The following PTPRG variants were observed in gnomAD, a reference collection of about 807,000 sequenced individuals.
PTPRG encodes receptor-type tyrosine-protein phosphatase gamma.
A neutral mutation model predicts 165.3 loss-of-function variants in PTPRG; 102 were observed. The ratio of observed to expected loss-of-function variants is 0.62; its 90% confidence interval spans 0.53 to 0.73. PTPRG has a LOEUF of 0.73. PTPRG is among the 30% of genes least tolerant of loss of function. The pLI is 0.00. For synonymous variants in PTPRG, 675 were observed against 669.5 expected, an observed-to-expected ratio of 1.01 and a Z score of -0.13; for missense variants, 1,866 against 1,861.4, an observed-to-expected ratio of 1.00 and a Z score of -0.05.
chr3:62,201,665 G>C (rs1439470064), intron 11 of PTPRG, 111 bp downstream of exon 11: 1 of 969,548 alleles, frequency 1.0e-6, no homozygotes, highest in Non-Finnish European at 1.5e-6. Context: ...TCAGTGTAAA[G>C]CGGTTATAGT....
intron 2 of PTPRG, among the ~76,000 whole-genome samples, chr3:61,837,951 G>C (rs2036519675): frequency 6.6e-6 from 1 of 152,124 alleles, no homozygotes; most frequent in African/African-American, 2.4e-5. Flanking sequence ...CTCTTACAGG[G>C]ACATCAGCCT....
intron 7 of PTPRG, among the ~76,000 whole-genome samples, chr3:62,160,253 T>A (rs1576078003): frequency 6.6e-6 from 1 of 152,322 alleles, no homozygotes; most frequent in South Asian, 2.1e-4. Context: ...CCTTTCAGAG[T>A]ACATACAGGC....
chr3:62,018,678 G>A (rs765424021), intron 4 of PTPRG, among the ~76,000 whole-genome samples: 6 of 152,208 alleles, frequency 3.9e-5, no homozygotes, highest in Non-Finnish European at 8.8e-5. Context: ...TAATGCCCCA[G>A]CAGTAGCATT....
intron 1 of PTPRG, among the ~76,000 whole-genome samples, chr3:61,722,148 C>T (rs753445245): frequency 2.2e-4 from 34 of 151,926 alleles, no homozygotes; most frequent in Non-Finnish European, 3.4e-4. Context: ...GAGGGGCTGG[C>T]GTCTGGTGAG....
chr3:62,255,547 C>T lies in PTPRG; in HGVS notation c.2559+332C>T, dbSNP rs1023534696. Among the ~76,000 whole-genome samples, 1 of 152,076 alleles carries T rather than the reference C, an allele frequency of 6.6e-6. No homozygotes were observed. The highest frequency in any genetic ancestry group is 1.5e-5 in the Non-Finnish European group (1 of 68,008). On this transcript the variant is annotated intron_variant, in intron 16 of 29. Coordinates refer to ENST00000474889, the MANE Select transcript of PTPRG (RefSeq NM_002841.4). The surrounding 1 kb of genome is among the most constrained non-coding windows in gnomAD (Gnocchi z 4.0). ...AGTCATAACACAAGGCTCCCTAATT[C>T]CATGTCTTTTCTGCAATGCACATGG...
chr3:62,078,509 T>C (rs1236454445), intron 5 of PTPRG, among the ~76,000 whole-genome samples: 2 of 152,206 alleles, frequency 1.3e-5, no homozygotes, highest in East Asian at 3.8e-4. Context: ...AACACATTTA[T>C]CATCTAAGTT....
At chr3:62,175,875 A>G (rs933203826) in intron 8 of PTPRG, among the ~76,000 whole-genome samples, 3 of 152,162 alleles carry the variant, frequency 2.0e-5, no homozygotes, top group Non-Finnish European at 2.9e-5. Context: ...GCCCTGAGGC[A>G]TGGGATCCAA....
At chr3:62,243,702 G>A (rs1473209880) in intron 14 of PTPRG, 105 bp from the exon 15 acceptor site, 3 of 711,328 alleles carry the variant, frequency 4.2e-6, no homozygotes, top group African/African-American at 1.8e-5. Context: ...CCTCAGTGCT[G>A]TGTGATGTTT....
At chr3:62,242,260 C>T (rs1019060853) in intron 14 of PTPRG, among the ~76,000 whole-genome samples, 19 of 152,128 alleles carry the variant, frequency 1.2e-4, no homozygotes, top group Admixed American at 5.2e-4. Flanking sequence ...AAGGCAGCTA[C>T]GCAAAGAGTG....
intron 1 of PTPRG, among the ~76,000 whole-genome samples, chr3:61,660,950 C>T (rs1361661737): frequency 6.6e-6 from 1 of 152,126 alleles, no homozygotes; most frequent in African/African-American, 2.4e-5. Context: ...TGCAGTGAGC[C>T]CGGATTGTGC....
intron 5 of PTPRG, among the ~76,000 whole-genome samples, chr3:62,126,133 G>A (rs575185491): frequency 4.6e-5 from 7 of 152,242 alleles, no homozygotes; most frequent in Admixed American, 2.0e-4. Flanking sequence ...CATTTTGTAC[G>A]GATTTGCTAC....
chr3:61,686,920 G>T (rs1703651094), intron 1 of PTPRG, among the ~76,000 whole-genome samples: 1 of 152,116 alleles, frequency 6.6e-6, no homozygotes, highest in African/African-American at 2.4e-5. Context: ...GAGAGGTATG[G>T]GGAAGAGGTG....
At chr3:62,145,867 G>A (rs1230488034) in intron 6 of PTPRG, among the ~76,000 whole-genome samples, 4 of 152,324 alleles carry the variant, frequency 2.6e-5, no homozygotes, top group African/African-American at 9.6e-5. Flanking sequence ...CAGTTGTATT[G>A]GACTCTGAAT....
chr3:61,739,208 T>A (rs1406010311), intron 1 of PTPRG: 1 of 152,116 alleles, frequency 6.6e-6, no homozygotes, highest in Non-Finnish European at 1.5e-5. Flanking sequence ...TGATACATAT[T>A]TCTGCTTGGC....
intron 2 of PTPRG, among the ~76,000 whole-genome samples, chr3:61,814,132 C>T (rs975785613): frequency 6.6e-6 from 1 of 152,158 alleles, no homozygotes; most frequent in African/African-American, 2.4e-5. Context: ...AACTCCTGAC[C>T]TCAGGCAATC....
chr3:61,717,975 A>G (rs1468052443), intron 1 of PTPRG, among the ~76,000 whole-genome samples: 2 of 151,732 alleles, frequency 1.3e-5, no homozygotes, highest in East Asian at 1.9e-4. Context: ...AGGTCAGGAG[A>G]TTGAGACCAG....
intron 1 of PTPRG, among the ~76,000 whole-genome samples, chr3:61,637,065 G>A (rs925440479): frequency 6.6e-6 from 1 of 152,154 alleles, no homozygotes; most frequent in African/African-American, 2.4e-5. Flanking sequence ...ATAGCTTATT[G>A]CTGTGGAGGA....
intron 1 of PTPRG, among the ~76,000 whole-genome samples, chr3:61,694,860 T>TTC (rs1305750688): frequency 1.3e-5 from 2 of 151,894 alleles, no homozygotes; most frequent in Admixed American, 6.6e-5. Context: ...TTCATTCTCA[T>TTC]TCTCTCTCTC....
chr3:62,053,825 C>G (rs1301146113), intron 4 of PTPRG, among the ~76,000 whole-genome samples: 1 of 152,194 alleles, frequency 6.6e-6, no homozygotes, highest in East Asian at 1.9e-4. Context: ...TTACGAGGCT[C>G]AAACTGCTGG....
Sources: allele counts gnomAD v4.1 joint callset (sites outside exome capture counted in the v4.1 genomes callset), GRCh38; gene constraint gnomAD v4.1.1; non-coding constraint Gnocchi (gnomAD v3.1); transcripts MANE v1.5; gene names NCBI Gene and HGNC (gene_info 2026-07-23, HGNC 2026-07-21).